The following KCNMA1 variants were observed in gnomAD, a reference collection of about 807,000 sequenced individuals.
The protein encoded by KCNMA1 is potassium calcium-activated channel subfamily M alpha 1, also known as Calcium-activated potassium channel subunit alpha-1.
In KCNMA1, 29 loss-of-function variants were observed where a neutral mutation model predicts 140.0. The observed-to-expected ratio is 0.21, with a 90% CI of 0.15 to 0.28. The LOEUF (loss-of-function observed/expected upper bound fraction) is 0.28, where lower values mean the gene tolerates loss of function less well. Among genes scored for constraint, KCNMA1 ranks in the 10% least tolerant of loss-of-function variants. The pLI is 1.00. For synonymous variants in KCNMA1, 612 were observed against 611.9 expected (o/e 1.00, Z 0.00); for missense variants, 880 against 1,602.2 (o/e 0.55, Z 7.70).
Position 77,533,852 on chromosome 10 carries a change from A to G in KCNMA1, c.378+103413T>C, listed in dbSNP as rs2058274186. On this transcript the variant is annotated intron_variant, in intron 1 of 27. Coordinates refer to ENST00000286628, the MANE Select transcript of KCNMA1 (RefSeq NM_001161352.2). ...GACTGTTCCTTACCACCTCATGGCC[A>G]CCTGTACTGTCTCTATAGAGCCAAA... Among the ~76,000 whole-genome samples, 2 of 152,152 alleles carry G rather than the reference A, an allele frequency of 1.3e-5. 1 individual carries two copies. Among genetic ancestry groups the G allele is most frequent in the South Asian group, 4.1e-4 (2 of 4,820 alleles).
At chr10:77,290,781 T>C (rs1318120179) in intron 2 of KCNMA1, among the ~76,000 whole-genome samples, 2 of 152,188 alleles carry the variant, frequency 1.3e-5, no homozygotes, top group Non-Finnish European at 2.9e-5. Flanking sequence ...ACAGAAAGAC[T>C]TAACCAGTAC....
chr10:77,007,932 C>T (rs186103830), intron 18 of KCNMA1, among the ~76,000 whole-genome samples: 138 of 151,892 alleles, frequency 9.1e-4, no homozygotes, highest in Non-Finnish European at 1.7e-3. Flanking sequence ...AGACAGTGCC[C>T]GAAGCTGGCC....
At position 76,886,983 on chromosome 10, in the gene KCNMA1, T is replaced by C; in HGVS notation, c.*283A>G. On this transcript the variant is annotated 3_prime_UTR_variant, in exon 28 of 28. Transcript: ENST00000286628. The stretch of plus-strand genomic sequence containing the variant: ...GCTCCCTTCTAATCTGTGAACTCGT[T>C]CCTGCAGTGAGCTATTTATGTCTGG... The C allele has an allele frequency of 7.9e-7, 1 of 1,267,052 alleles. No individual in the cohort carries two copies. Among genetic ancestry groups the C allele is most frequent in the Non-Finnish European group, 1.0e-6 (1 of 993,670 alleles). 78.5% of individuals were successfully genotyped at this position (1,267,052 alleles called of 1,614,324 possible). A position where few individuals can be genotyped will look rare whatever the true frequency, so the allele number is the denominator to read the frequency against.
At chr10:77,545,954 C>T (rs1168003487) in intron 1 of KCNMA1, among the ~76,000 whole-genome samples, 2 of 152,178 alleles carry the variant, frequency 1.3e-5, no homozygotes, top group Non-Finnish European at 2.9e-5. Flanking sequence ...CCAAGCCCCC[C>T]AGCCCCCTGG....
intron 1 of KCNMA1, among the ~76,000 whole-genome samples, chr10:77,612,292 A>G (rs1377010937): frequency 6.6e-6 from 1 of 152,160 alleles, no homozygotes; most frequent in Non-Finnish European, 1.5e-5. Context: ...TCTTCTCCCA[A>G]TTTATTTTCT....
intron 3 of KCNMA1, among the ~76,000 whole-genome samples, chr10:77,188,141 A>G (rs1390638351): frequency 6.6e-6 from 1 of 152,070 alleles, no homozygotes; most frequent in East Asian, 1.9e-4. Context: ...AGAAACTTCA[A>G]AAGCTAGCAA....
chr10:77,281,635 G>A (rs182351609), intron 2 of KCNMA1, among the ~76,000 whole-genome samples: 1 of 152,262 alleles, frequency 6.6e-6, no homozygotes, highest in African/African-American at 2.4e-5. Context: ...CTCCAGCCAT[G>A]CCTGGGAACC....
rs2093321666 is a variant in KCNMA1, at chr10:77,025,257, T to G, written c.1928+2566A>C. On this transcript the variant is annotated intron_variant, in intron 16 of 27. Transcript: ENST00000286628. ...GGGTGTGTGTGTATATATATATATA[T>G]ATATATATATATATATATATATATA... 3.3e-5 allele frequency among the ~76,000 whole-genome samples: 3 copies of G among 90,812 alleles called. No individual in the cohort carries two copies. The South Asian group carries it at 1.2e-3, about 37-fold the overall frequency. 59.6% of individuals were successfully genotyped at this position (90,812 alleles called of 152,430 possible). A position where few individuals can be genotyped will look rare whatever the true frequency, so the allele number is the denominator to read the frequency against.
chr10:77,297,043 G>A (rs986801173), intron 2 of KCNMA1, among the ~76,000 whole-genome samples: 3 of 152,104 alleles, frequency 2.0e-5, no homozygotes, highest in Non-Finnish European at 2.9e-5. Context: ...CCAACAGGGT[G>A]CAGACTTGCC....
intron 14 of KCNMA1, among the ~76,000 whole-genome samples, chr10:77,053,297 C>G (rs2095434921): frequency 6.6e-6 from 1 of 152,214 alleles, no homozygotes; most frequent in African/African-American, 2.4e-5. Context: ...CTGGGCAAAG[C>G]TGCACTTGCT....
intron 2 of KCNMA1, among the ~76,000 whole-genome samples, chr10:77,261,003 G>T (rs1427180827): frequency 6.6e-6 from 1 of 152,032 alleles, no homozygotes; most frequent in East Asian, 1.9e-4. Context: ...CGCTGCAAGG[G>T]GCACAGAGAC....
intron 18 of KCNMA1, among the ~76,000 whole-genome samples, chr10:77,007,656 T>TATATATATATATATATAG (rs1409649956): frequency 4.1e-5 from 4 of 98,014 alleles, no homozygotes; most frequent in Non-Finnish European, 4.9e-5. Flanking sequence ...TGTGTGTGTA[T>TATATATATATATATATAG]ATATATATAT....
chr10:77,129,303 G>A (rs879893279), intron 5 of KCNMA1, among the ~76,000 whole-genome samples: 5 of 152,208 alleles, frequency 3.3e-5, no homozygotes, highest in Non-Finnish European at 5.9e-5. Flanking sequence ...GTACAGCCAA[G>A]TTTGGGAATC....
At chr10:77,152,376 A>C (rs978768728) in intron 5 of KCNMA1, among the ~76,000 whole-genome samples, 1 of 151,958 alleles carries the variant, frequency 6.6e-6, no homozygotes, top group Non-Finnish European at 1.5e-5. Flanking sequence ...GGAGAACCTG[A>C]GAAAAGGATT....
At chr10:77,041,210 G>A (rs1390208806) in intron 14 of KCNMA1, among the ~76,000 whole-genome samples, 2 of 6,740 alleles carry the variant, frequency 3.0e-4, no homozygotes, top group Non-Finnish European at 5.0e-4. Flanking sequence ...TGTCGCCCAG[G>A]CTGGAGTGCA....
chr10:77,487,608 G>A (rs2154537310), intron 1 of KCNMA1, among the ~76,000 whole-genome samples: 1 of 152,192 alleles, frequency 6.6e-6, no homozygotes, highest in Non-Finnish European at 1.5e-5. Flanking sequence ...TGTTTGTCAT[G>A]GGCAATTCTC....
At chr10:77,114,236 T>C (rs1450787270) in intron 6 of KCNMA1, among the ~76,000 whole-genome samples, 1 of 152,148 alleles carries the variant, frequency 6.6e-6, no homozygotes, top group Non-Finnish European at 1.5e-5. Flanking sequence ...CTTATGACAT[T>C]TTGAGGTCCC....
chr10:77,080,423 C>G (rs1020289444), intron 12 of KCNMA1, among the ~76,000 whole-genome samples: 2 of 152,176 alleles, frequency 1.3e-5, no homozygotes, highest in South Asian at 4.1e-4. Flanking sequence ...AAGCTAAAAA[C>G]CTTCATGGGC....
At position 76,953,885 on chromosome 10, in the gene KCNMA1, G is replaced by C. The variant is rs2152988719; in HGVS notation, c.2400C>G (p.Asp800Glu). Residue 800 changes from aspartate to glutamate, a missense_variant, in exon 21 of 28, where the codon GAC becomes GAG. By Grantham distance (45) the Asp-to-Glu change is conservative (BLOSUM62 2). Around this residue, in one of 13 missense-constraint regions of KCNMA1, gnomAD observed 196 missense variants for 233.0 expected, o/e 0.84. Transcript: ENST00000286628. ...ACTTCTTCACATTGGAGTCCATGTT[G>C]TCAATCTGATCATTGCCAGGAATTA... The part of the protein sequence containing the change: ...PLLIPGNDQI[D>E]NMDSNVKKYD... 1 of 1,613,928 alleles carries C rather than the reference G, an allele frequency of 6.2e-7. No individual in the cohort carries two copies. Among genetic ancestry groups the C allele is most frequent in the Non-Finnish European group, 8.5e-7 (1 of 1,179,834 alleles).
Sources: allele counts gnomAD v4.1 joint callset (sites outside exome capture counted in the v4.1 genomes callset), GRCh38; gene constraint gnomAD v4.1.1; regional missense constraint gnomAD v4.1.1; transcripts MANE v1.5; gene names NCBI Gene and HGNC (gene_info 2026-07-23, HGNC 2026-07-21).